Variants in ADGRV1 observed in about 807,000 individuals in gnomAD.
ADGRV1 encodes G-protein coupled receptor 98.
In ADGRV1, 359 loss-of-function variants were observed where a neutral mutation model predicts 596.2. The observed-to-expected ratio is 0.60, with a 90% CI of 0.55 to 0.66. The LOEUF is 0.66. Among genes scored for constraint, ADGRV1 ranks in the 30% least tolerant of loss-of-function variants. The pLI, the probability that ADGRV1 is intolerant of heterozygous loss-of-function variation, is 0.00. For missense variants in ADGRV1, 7,274 were observed against 7,575.6 expected (o/e 0.96, Z 1.48); for synonymous variants, 2,681 against 2,679.2 (o/e 1.00, Z -0.02).
At chr5:90,910,020 C>A (rs902703236) in intron 83 of ADGRV1, among the ~76,000 whole-genome samples, 4 of 152,238 alleles carry the variant, frequency 2.6e-5, no homozygotes, top group Admixed American at 6.5e-5. Context: ...AACTCCGCGT[C>A]CTGGAGGCGC....
chr5:90,798,032 A>G (rs114456675), intron 70 of ADGRV1, among the ~76,000 whole-genome samples: 7,092 of 152,244 alleles, frequency 0.047, 584 homozygotes, highest in African/African-American at 0.16. Flanking sequence ...GAGTAGCAAG[A>G]GCAAATTCAA....
chr5:90,673,373 TATATG>T (rs1772757481), intron 22 of ADGRV1, among the ~76,000 whole-genome samples: 2 of 152,152 alleles, frequency 1.3e-5, no homozygotes, highest in Non-Finnish European at 1.5e-5. Flanking sequence ...GTACAAAAAA[TATATG>T]ATATTATATT....
At chr5:90,574,231 C>A (rs1490338288) in intron 1 of ADGRV1, among the ~76,000 whole-genome samples, 1 of 151,682 alleles carries the variant, frequency 6.6e-6, no homozygotes, top group Non-Finnish European at 1.5e-5. Flanking sequence ...CGCATTGAAT[C>A]TGTAAATTGC....
chr5:90,790,124 T>G lies in ADGRV1; in HGVS notation c.14043+273T>G, dbSNP rs1759903642. ...AAGAACCAAATGATTTTACATTTTA[T>G]TGTTTGCTATAATGTGAAGGCTTTC... On this transcript the variant is annotated intron_variant, in intron 69 of 89. Transcript: ENST00000405460. 2.0e-5 allele frequency among the ~76,000 whole-genome samples: 3 copies of G among 152,354 alleles called. No homozygotes were observed. The East Asian group carries it at 5.8e-4, about 29-fold the overall frequency.
At chr5:90,765,468 C>CAG (rs1445494750) in intron 59 of ADGRV1, among the ~76,000 whole-genome samples, 211 of 147,086 alleles carry the variant, frequency 1.4e-3, no homozygotes, top group African/African-American at 5.0e-3. Context: ...CACACACACA[C>CAG]ACAAACTCTA....
chr5:90,690,972 T>C lies in ADGRV1; in HGVS notation c.6882T>C (p.Phe2294=). 6.2e-7 allele frequency: 1 copy of C among 1,613,862 alleles called. No individual in the cohort carries two copies. The highest frequency in any genetic ancestry group is 1.1e-5 in the South Asian group (1 of 91,080). The change falls in exon 31 of 90, where the codon TTT becomes TTC. Residue 2294 remains phenylalanine, a synonymous_variant. Coordinates refer to ENST00000405460, the MANE Select transcript of ADGRV1 (RefSeq NM_032119.4). ...GAGTTGTCTCAGGTAATGTGACCTTTGCCCCTGGGGAAACCATTCAAACCT... is the reference window on the plus strand; with the variant it reads ...GAGTTGTCTCAGGTAATGTGACCTTCGCCCCTGGGGAAACCATTCAAACCT... ...DLRVVSGNVT[F]APGETIQTLL...
intron 82 of ADGRV1, among the ~76,000 whole-genome samples, chr5:90,857,057 T>G (rs1767089781): frequency 6.6e-6 from 1 of 152,088 alleles, no homozygotes; most frequent in African/African-American, 2.4e-5. Context: ...TAGTTATAAA[T>G]TTTCTTTAAT....
At chr5:90,988,249 T>C (rs975916029) in intron 85 of ADGRV1, among the ~76,000 whole-genome samples, 5 of 152,214 alleles carry the variant, frequency 3.3e-5, no homozygotes, top group Admixed American at 2.0e-4. Context: ...GAATTATAAA[T>C]CATGTACAAG....
intron 17 of ADGRV1, among the ~76,000 whole-genome samples, chr5:90,649,555 C>T (rs894872554): frequency 3.3e-5 from 5 of 151,968 alleles, no homozygotes; most frequent in African/African-American, 9.7e-5. Flanking sequence ...GTGGTGTGAT[C>T]TCAGCTCACC....
chr5:91,138,033 C>A (rs779818656), intron 87 of ADGRV1, among the ~76,000 whole-genome samples: 35 of 152,192 alleles, frequency 2.3e-4, no homozygotes, highest in Admixed American at 5.2e-4. Context: ...ACTGTCGTTG[C>A]CGGTTGAGTG....
intron 85 of ADGRV1, among the ~76,000 whole-genome samples, chr5:91,042,491 G>C (rs1478287198): frequency 6.6e-6 from 1 of 152,052 alleles, no homozygotes; most frequent in African/African-American, 2.4e-5. Context: ...ATTGCAGACA[G>C]CTATCTTTAA....
intron 4 of ADGRV1, among the ~76,000 whole-genome samples, 164 bp downstream of exon 4, chr5:90,619,345 T>A (rs989735864): frequency 2.0e-5 from 3 of 152,218 alleles, no homozygotes; most frequent in African/African-American, 7.2e-5. Flanking sequence ...CATTCATTTG[T>A]TCTACCTAAG....
intron 85 of ADGRV1, among the ~76,000 whole-genome samples, chr5:91,067,376 C>T (rs1331702402): frequency 6.6e-6 from 1 of 152,094 alleles, no homozygotes; most frequent in Non-Finnish European, 1.5e-5. Flanking sequence ...CTCCCGACCT[C>T]AGGTGATCTG....
In ADGRV1 at chr5:90,745,120, G is replaced by C. The variant is rs762693234; in HGVS notation, c.10624G>C (p.Val3542Leu). The C allele has an allele frequency of 6.2e-7, 1 of 1,613,704 alleles. No homozygotes were observed. The highest frequency in any genetic ancestry group is 1.7e-5 in the Admixed American group (1 of 60,022). Residue 3542 changes from valine (V) to leucine (L), a missense_variant, in exon 51 of 90, where the codon GTT becomes CTT. Transcript: ENST00000405460. ...TTCGGAGCGTAATCAATTCTCTTTT[G>C]TTCTGGAAGTACCTTCTGCTTATGA... is the stretch of plus-strand genomic sequence containing the variant. The part of the protein sequence containing the change: ...WNSERNQFSF[V>L]LEVPSAYDVA...
At chr5:90,783,033 A>G (rs538453706) in intron 65 of ADGRV1, 91 bp from the exon 66 acceptor site, 12 of 972,494 alleles carry the variant, frequency 1.2e-5, no homozygotes, top group Non-Finnish European at 1.5e-5. Context: ...ACTTTGTGCC[A>G]TTATGTTTAA....
chr5:90,667,076 A>G (rs1214212340), intron 21 of ADGRV1, among the ~76,000 whole-genome samples: 1 of 151,504 alleles, frequency 6.6e-6, no homozygotes, highest in East Asian at 1.9e-4. Context: ...GGTGAAACTG[A>G]CAATTATGTG....
intron 85 of ADGRV1, among the ~76,000 whole-genome samples, chr5:91,058,966 A>G (rs1787153416): frequency 6.6e-6 from 1 of 152,206 alleles, no homozygotes; most frequent in Admixed American, 6.5e-5. Context: ...CACTGAACTC[A>G]TACTGCACAG....
At chr5:90,845,826 T>A (rs192474666) in intron 78 of ADGRV1, among the ~76,000 whole-genome samples, 139 of 152,370 alleles carry the variant, frequency 9.1e-4, no homozygotes, top group Admixed American at 2.9e-3. Context: ...GCCTGTTATC[T>A]TTTCTCTGAG....
At chr5:90,750,769 G>T in intron 53 of ADGRV1, 72 bp downstream of exon 53, 1 of 1,172,910 alleles carries the variant, frequency 8.5e-7, no homozygotes. Context: ...ACCAAATCCT[G>T]CCTTATGGAT....
Sources: gnomAD v4.1 joint callset for allele counts (sites outside exome capture counted in the v4.1 genomes callset) on GRCh38, gnomAD v4.1.1 for gene constraint, MANE v1.5 for transcripts, NCBI Gene and HGNC (gene_info 2026-07-23, HGNC 2026-07-21) for gene names.